LAMA2: variants seen among roughly 807,000 people sequenced by gnomAD.
LAMA2 encodes laminin subunit alpha-2.
Under a neutral mutation model 364.8 loss-of-function variants are expected in LAMA2, and 269 were observed. The observed-to-expected ratio is 0.74, with a 90% CI of 0.67 to 0.82. LAMA2 has a LOEUF of 0.82. Ranked by LOEUF, LAMA2 falls within the 40% of genes least tolerant of loss-of-function variation. The probability of loss-of-function intolerance (pLI) is 0.00; values close to 1 mark genes in which losing one functional copy is unlikely to be tolerated. For missense variants in LAMA2, 3,807 were observed against 3,873.2 expected, an observed-to-expected ratio of 0.98 and a Z score of 0.45; for synonymous variants, 1,379 against 1,370.6, an observed-to-expected ratio of 1.01 and a Z score of -0.14.
At chr6:128,924,715 G>A (rs1326046199) in intron 1 of LAMA2, among the ~76,000 whole-genome samples, 1 of 152,094 alleles carries the variant, frequency 6.6e-6, no homozygotes, top group Non-Finnish European at 1.5e-5. Flanking sequence ...TCATGCAGAG[G>A]GGTTATTTCC....
intron 1 of LAMA2, among the ~76,000 whole-genome samples, chr6:129,038,135 CAG>C (rs1235205490): frequency 6.6e-6 from 1 of 152,058 alleles, no homozygotes; most frequent in African/African-American, 2.4e-5. Context: ...CACTGTGAAA[CAG>C]AATTTCTGAA....
chr6:129,282,342 C>G (rs1468995987), intron 18 of LAMA2, among the ~76,000 whole-genome samples: 2 of 152,252 alleles, frequency 1.3e-5, no homozygotes, highest in East Asian at 3.9e-4. Context: ...TCAGGTGGGA[C>G]AAGAGTTATA....
chr6:129,080,975 A>G (rs1465683184), intron 3 of LAMA2, among the ~76,000 whole-genome samples: 4 of 152,210 alleles, frequency 2.6e-5, no homozygotes, highest in Non-Finnish European at 5.9e-5. Flanking sequence ...TCACAATAGC[A>G]AAGACTTGGA....
chr6:129,324,773 G>T (rs1186796002), intron 28 of LAMA2, among the ~76,000 whole-genome samples: 2 of 152,202 alleles, frequency 1.3e-5, no homozygotes, highest in African/African-American at 4.8e-5. Context: ...CATAGCAAAG[G>T]TACATTAAAA....
intron 1 of LAMA2, among the ~76,000 whole-genome samples, chr6:128,911,893 AACTAAGT>A (rs1246637859): frequency 6.6e-6 from 1 of 152,128 alleles, no homozygotes; most frequent in Non-Finnish European, 1.5e-5. Context: ...ATGAAACACC[AACTAAGT>A]ACTTTTTTCT....
intron 12 of LAMA2, among the ~76,000 whole-genome samples, chr6:129,193,862 T>C (rs1781682574): frequency 6.6e-6 from 1 of 152,220 alleles, no homozygotes; most frequent in South Asian, 2.1e-4. Flanking sequence ...CATATGCTAC[T>C]CAGTGAATGG....
intron 2 of LAMA2, among the ~76,000 whole-genome samples, chr6:129,059,314 A>G (rs1788719727): frequency 6.6e-6 from 1 of 152,200 alleles, no homozygotes; most frequent in Admixed American, 6.5e-5. Flanking sequence ...ACGTCTTAAT[A>G]ATAATGAATG....
Position 129,140,726 on chromosome 6 carries a change from T to C in LAMA2, c.640-3175T>C, listed in dbSNP as rs540253453. 2.6e-5 allele frequency among the ~76,000 whole-genome samples: 4 copies of C among 152,060 alleles called. No individual in the cohort carries two copies. In the South Asian group the frequency reaches 6.2e-4, roughly 24 times the overall value. On this transcript the variant is annotated intron_variant, in intron 4 of 64. Transcript: ENST00000421865. Reference sequence around the variant, plus strand: ...ATCCTATCCAACATTATGATTTATTTTGAAGGAGAAAGGAAAAAAAAATAC... The same window carrying C: ...ATCCTATCCAACATTATGATTTATTCTGAAGGAGAAAGGAAAAAAAAATAC...
intron 4 of LAMA2, among the ~76,000 whole-genome samples, chr6:129,120,533 G>A (rs1026024691): frequency 6.6e-6 from 1 of 152,140 alleles, no homozygotes; most frequent in African/African-American, 2.4e-5. Context: ...TAAAAATCAA[G>A]AGTAAGAAGT....
chr6:129,219,419 T>C (rs1232856077), intron 12 of LAMA2, among the ~76,000 whole-genome samples: 42 of 151,808 alleles, frequency 2.8e-4, no homozygotes, highest in East Asian at 2.3e-3. Flanking sequence ...GTCAGTGTGG[T>C]GATTCCTCAG....
intron 12 of LAMA2, among the ~76,000 whole-genome samples, chr6:129,205,489 TATATACACACACACACACACAC>T (rs199632959): frequency 0.075 from 9,853 of 130,514 alleles, 507 homozygotes; most frequent in African/African-American, 0.14. Flanking sequence ...TATATATATA[TATATACACACACACACACACAC>T]ACACACACAC....
chr6:128,905,382 T>C (rs1190998847), intron 1 of LAMA2: 1 of 152,142 alleles, frequency 6.6e-6, no homozygotes, highest in Non-Finnish European at 1.5e-5. Context: ...TTAACTATTT[T>C]TTTCTGTTCC....
At chr6:129,243,416 C>T (rs965190348) in intron 12 of LAMA2, among the ~76,000 whole-genome samples, 4 of 151,936 alleles carry the variant, frequency 2.6e-5, no homozygotes, top group African/African-American at 4.8e-5. Context: ...TTGGCCTTAA[C>T]GATAAGAAAC....
intron 3 of LAMA2, among the ~76,000 whole-genome samples, chr6:129,075,429 T>A (rs1773573097): frequency 6.6e-6 from 1 of 152,182 alleles, no homozygotes; most frequent in Admixed American, 6.5e-5. Context: ...CAGTGGTATT[T>A]AAGCAGGTGT....
intron 31 of LAMA2, among the ~76,000 whole-genome samples, chr6:129,352,827 G>C (rs143379448): frequency 1.3e-5 from 2 of 151,852 alleles, no homozygotes; most frequent in Non-Finnish European, 2.9e-5. Flanking sequence ...CCAAATGAAG[G>C]ATAATTTCAA....
intron 4 of LAMA2, among the ~76,000 whole-genome samples, chr6:129,142,447 C>T (rs1006817318): frequency 6.6e-6 from 1 of 151,006 alleles, no homozygotes. Context: ...AGGGCTCCAC[C>T]CTCAGGATCT....
At chr6:128,909,015 T>C (rs1777695591) in intron 1 of LAMA2, among the ~76,000 whole-genome samples, 1 of 147,456 alleles carries the variant, frequency 6.8e-6, no homozygotes, top group Non-Finnish European at 1.5e-5. Context: ...TTGTTATAAT[T>C]TCTGTTCTTT....
At chr6:129,336,921 C>T (rs1775990058) in intron 29 of LAMA2, among the ~76,000 whole-genome samples, 1 of 152,136 alleles carries the variant, frequency 6.6e-6, no homozygotes, top group Non-Finnish European at 1.5e-5. Flanking sequence ...AAAGTATTAT[C>T]TAATGTGTTG....
intron 15 of LAMA2, among the ~76,000 whole-genome samples, chr6:129,266,193 G>A (rs371771913): frequency 2.6e-5 from 4 of 152,156 alleles, no homozygotes; most frequent in African/African-American, 9.6e-5. Context: ...TTTCACTGGA[G>A]GGTGATCATA....
Sources: gnomAD v4.1 joint callset for allele counts (sites outside exome capture counted in the v4.1 genomes callset) on GRCh38, gnomAD v4.1.1 for gene constraint, MANE v1.5 for transcripts, NCBI Gene and HGNC (gene_info 2026-07-23, HGNC 2026-07-21) for gene names.